Variants in NRXN3 observed in about 807,000 individuals in gnomAD.
NRXN3 encodes neurexin III.
Under a neutral mutation model 137.6 loss-of-function variants are expected in NRXN3, and 32 were observed. The ratio of observed to expected loss-of-function variants is 0.23; its 90% confidence interval spans 0.18 to 0.31. The LOEUF (loss-of-function observed/expected upper bound fraction) is 0.31, where lower values mean the gene tolerates loss of function less well. NRXN3 is among the 10% of genes least tolerant of loss of function. NRXN3 has a pLI of 1.00. For synonymous variants in NRXN3, 798 were observed against 784.5 expected (o/e 1.02, Z -0.29); for missense variants, 1,574 against 2,062.5 (o/e 0.76, Z 4.59).
chr14:79,391,372 G>A (rs1027980114), intron 15 of NRXN3, among the ~76,000 whole-genome samples: 2 of 152,158 alleles, frequency 1.3e-5, no homozygotes, highest in Admixed American at 6.5e-5. Context: ...TTACTGGGAT[G>A]GGGAGAAACT....
intron 15 of NRXN3, among the ~76,000 whole-genome samples, chr14:79,108,503 T>C (rs1428550303): frequency 6.6e-6 from 1 of 152,144 alleles, no homozygotes; most frequent in Non-Finnish European, 1.5e-5. Flanking sequence ...CAAACTTAAA[T>C]GTTATGTAAT....
intron 15 of NRXN3, among the ~76,000 whole-genome samples, chr14:79,290,217 T>A (rs1159337007): frequency 6.6e-6 from 1 of 152,220 alleles, no homozygotes; most frequent in Non-Finnish European, 1.5e-5. Context: ...ACAGATTATA[T>A]GCTTCAGAAC....
chr14:79,559,856 G>A (rs115860553), intron 16 of NRXN3, among the ~76,000 whole-genome samples: 1 of 152,114 alleles, frequency 6.6e-6, no homozygotes, highest in East Asian at 1.9e-4. Flanking sequence ...GAGGGCTATT[G>A]TATGTACTTG....
intron 10 of NRXN3, among the ~76,000 whole-genome samples, chr14:78,856,340 A>G (rs913055394): frequency 2.0e-5 from 3 of 152,226 alleles, no homozygotes; most frequent in Non-Finnish European, 4.4e-5. Flanking sequence ...TAACTCCTCT[A>G]AAGTAAGTAA....
chr14:79,543,203 A>G (rs1320319358), intron 16 of NRXN3, among the ~76,000 whole-genome samples: 12 of 152,160 alleles, frequency 7.9e-5, no homozygotes, highest in Admixed American at 2.6e-4. Context: ...CTGATTGCCA[A>G]CTCAGGTCAG....
At chr14:79,470,949 A>AGT (rs1290964769) in intron 16 of NRXN3, among the ~76,000 whole-genome samples, 3 of 57,316 alleles carry the variant, frequency 5.2e-5, no homozygotes, top group African/African-American at 1.8e-4. Context: ...AAAGAGAGAG[A>AGT]GAGTGTGTGT....
Position 78,714,944 on chromosome 14 carries a change from G to A in NRXN3, c.1849G>A (p.Asp617Asn), listed in dbSNP as rs753086766. Residue 617 changes from aspartate (D) to asparagine (N), a missense_variant, in exon 8 of 21, where the codon GAT (aspartate) becomes AAT (asparagine). Coordinates refer to ENST00000335750, the MANE Select transcript of NRXN3 (RefSeq NM_001330195.2). ...YVGCIRDLFI[D>N]GRSKNIRQLA... ...GGGCTGCATCCGCGACCTATTCATT[G>A]ATGGGCGCAGCAAGAACATTCGACA... 1.9e-6 allele frequency: 3 copies of A among 1,614,162 alleles called. No individual in the cohort carries two copies. Among genetic ancestry groups the A allele is most frequent in the Non-Finnish European group, 2.5e-6 (3 of 1,180,036 alleles).
chr14:78,695,442 G>T (rs1411174083), intron 6 of NRXN3: 2 of 151,996 alleles, frequency 1.3e-5, no homozygotes, highest in Admixed American at 1.3e-4. Flanking sequence ...TATTTCAGGA[G>T]TAAATGACTT....
chr14:79,401,683 G>T (rs1479386042), intron 15 of NRXN3, among the ~76,000 whole-genome samples: 1 of 152,068 alleles, frequency 6.6e-6, no homozygotes, highest in East Asian at 1.9e-4. Flanking sequence ...TGCTCTTTCA[G>T]CTTTATCCAG....
intron 1 of NRXN3, among the ~76,000 whole-genome samples, chr14:78,231,811 G>C (rs10139718): frequency 0.017 from 2,565 of 152,340 alleles, 61 homozygotes; most frequent in African/African-American, 0.057. Flanking sequence ...CCCAGAGCAA[G>C]TGTATTATGA....
At chr14:78,330,427 A>G (rs1363580547) in intron 4 of NRXN3, among the ~76,000 whole-genome samples, 1 of 151,886 alleles carries the variant, frequency 6.6e-6, no homozygotes, top group Non-Finnish European at 1.5e-5. Context: ...GAAGGAGCCC[A>G]CCTAATTTAG....
Position 79,441,440 on chromosome 14 carries a change from T to C in NRXN3, c.3263-25781T>C, listed in dbSNP as rs957327762. 2.6e-4 allele frequency among the ~76,000 whole-genome samples: 36 copies of C among 136,784 alleles called. No individual in the cohort carries two copies. The East Asian group carries it at 5.6e-3, about 21-fold the overall frequency. The allele number at this position is 136,784 out of a possible 152,430, so 89.7% of individuals were successfully genotyped here. On this transcript the variant is annotated intron_variant, in intron 15 of 20. Transcript: ENST00000335750. The stretch of plus-strand genomic sequence containing the variant: ...TGTTGTCCAGGCTGGAGTGCAGTGG[T>C]GCGATCTTGGCTCACTGCAAGCTCC...
chr14:79,737,767 A>C (rs548534561), intron 19 of NRXN3, among the ~76,000 whole-genome samples: 7 of 150,580 alleles, frequency 4.6e-5, no homozygotes, highest in Admixed American at 1.3e-4. Context: ...CTATATTGCC[A>C]TGCTGGTCTC....
chr14:79,142,812 A>G (rs1049078141), intron 15 of NRXN3, among the ~76,000 whole-genome samples: 2 of 152,174 alleles, frequency 1.3e-5, no homozygotes, highest in Admixed American at 1.3e-4. Context: ...TGGGGAAAAG[A>G]GAGCAAATTC....
At chr14:79,694,655 G>T (rs2098728562) in intron 18 of NRXN3, among the ~76,000 whole-genome samples, 1 of 151,904 alleles carries the variant, frequency 6.6e-6, no homozygotes, top group African/African-American at 2.4e-5. Flanking sequence ...ATGATAAAAA[G>T]AAACTGGTCA....
intron 15 of NRXN3, among the ~76,000 whole-genome samples, chr14:79,202,963 A>G (rs1345606143): frequency 3.3e-5 from 5 of 152,154 alleles, no homozygotes; most frequent in African/African-American, 9.6e-5. Flanking sequence ...CCACACTAGT[A>G]TACATTCCCT....
chr14:78,477,016 T>C (rs2095391678), intron 4 of NRXN3, among the ~76,000 whole-genome samples: 1 of 152,194 alleles, frequency 6.6e-6, no homozygotes. Flanking sequence ...AGTTTCTCTT[T>C]ATGGGTGCTG....
intron 15 of NRXN3, among the ~76,000 whole-genome samples, chr14:79,437,439 G>A (rs2095863031): frequency 6.6e-6 from 1 of 150,552 alleles, no homozygotes; most frequent in East Asian, 2.0e-4. Context: ...AGCTCCATCT[G>A]AGAACCCATT....
intron 4 of NRXN3, among the ~76,000 whole-genome samples, chr14:78,489,529 A>G (rs958602910): frequency 1.3e-5 from 2 of 152,096 alleles, no homozygotes; most frequent in African/African-American, 4.8e-5. Context: ...GGGCATAACT[A>G]CTGTCTTGAA....
Sources: allele counts gnomAD v4.1 joint callset (sites outside exome capture counted in the v4.1 genomes callset), GRCh38; gene constraint gnomAD v4.1.1; transcripts MANE v1.5; gene names NCBI Gene and HGNC (gene_info 2026-07-23, HGNC 2026-07-21).